ADGRF5: variants seen among roughly 807,000 people sequenced by gnomAD.
ADGRF5 encodes adhesion G protein-coupled receptor F5, also known as G-protein coupled receptor 116.
ADGRF5 carries 75 observed loss-of-function variants against 132.3 expected under a neutral mutation model. That is an observed-to-expected ratio of 0.57 (90% CI 0.47 to 0.69). The LOEUF (loss-of-function observed/expected upper bound fraction) is 0.69. ADGRF5 is among the 30% of genes least tolerant of loss of function. ADGRF5 has a pLI of 0.00. For missense variants in ADGRF5, 1,516 were observed against 1,630.6 expected (o/e 0.93, Z 1.21); for synonymous variants, 629 against 597.6 (o/e 1.05, Z -0.77).
chr6:46,911,688 T>C (rs912216762), intron 1 of ADGRF5, among the ~76,000 whole-genome samples: 4 of 152,164 alleles, frequency 2.6e-5, no homozygotes, highest in African/African-American at 2.4e-5. Context: ...TTTATTGTTA[T>C]ATCTATTGCA....
chr6:46,863,402 T>C, intron 14 of ADGRF5: 1 of 465,064 alleles, frequency 2.2e-6, no homozygotes, highest in Non-Finnish European at 4.2e-6. Context: ...AACACCAGTG[T>C]CTGGGCTAAG....
rs1440750594 is a variant in ADGRF5 at position 46,859,486 on chromosome 6, G to A, written c.2417C>T (p.Pro806Leu). The A allele has an allele frequency of 1.2e-6, 2 of 1,612,964 alleles. No homozygotes were observed. The change falls in exon 17 of 21, where the codon CCC becomes CTC. Residue 806 changes from proline (P) to leucine (L), a missense_variant. Transcript: ENST00000283296. Reference protein sequence around the residue: ...LSTVNVILGKPVLNTWKVLQQ... With the variant: ...LSTVNVILGKLVLNTWKVLQQ... ...TAAAACCTTCCAGGTGTTCAAGACG[G>A]GCTTGCCAAGGATGACATTAACCGT...
intron 1 of ADGRF5, among the ~76,000 whole-genome samples, chr6:46,946,184 G>A (rs2113840166): frequency 6.6e-6 from 1 of 152,314 alleles, no homozygotes; most frequent in East Asian, 1.9e-4. Context: ...TGAGGAAATG[G>A]CAGAGGGAAA....
At chr6:46,905,563 T>C (rs1235891078) in intron 2 of ADGRF5, 1 of 151,500 alleles carries the variant, frequency 6.6e-6, no homozygotes, top group Non-Finnish European at 1.5e-5. Context: ...TACAAGAGAA[T>C]CATAAAACAA....
At chr6:46,909,339 C>T (rs1775704298) in intron 1 of ADGRF5, among the ~76,000 whole-genome samples, 1 of 152,172 alleles carries the variant, frequency 6.6e-6, no homozygotes, top group South Asian at 2.1e-4. Flanking sequence ...TTCCCGATCT[C>T]CTTCTCTTTT....
intron 1 of ADGRF5, among the ~76,000 whole-genome samples, chr6:46,935,096 CG>C (rs1561834479): frequency 6.6e-6 from 1 of 150,706 alleles, no homozygotes; most frequent in Non-Finnish European, 1.5e-5. Context: ...CTCCGCCTCC[CG>C]GGTTCAAGCC....
chr6:46,895,074 G>C (rs1774031656), intron 3 of ADGRF5, among the ~76,000 whole-genome samples: 1 of 152,046 alleles, frequency 6.6e-6, no homozygotes, highest in Non-Finnish European at 1.5e-5. Context: ...CTACTTGGGA[G>C]GCTGAGGCAG....
chr6:46,946,791 C>T (rs1459562287), intron 1 of ADGRF5, among the ~76,000 whole-genome samples: 2 of 152,142 alleles, frequency 1.3e-5, no homozygotes, highest in Admixed American at 6.5e-5. Context: ...AAGGCACAGC[C>T]GTTTCCTGAG....
intron 12 of ADGRF5, among the ~76,000 whole-genome samples, 155 bp downstream of exon 12, chr6:46,868,728 C>G (rs1161787640): frequency 1.3e-5 from 2 of 152,144 alleles, no homozygotes; most frequent in South Asian, 2.1e-4. Flanking sequence ...ATGGCATCTT[C>G]CCTCAAAGGA....
chr6:46,923,016 T>C (rs2150928292), upstream of ADGRF5, among the ~76,000 whole-genome samples: 1 of 152,346 alleles, frequency 6.6e-6, no homozygotes, highest in Middle Eastern at 3.4e-3. Context: ...AACCTCTGCC[T>C]CCTGGGTTCA....
At chr6:46,914,547 A>T (rs1485803356) in intron 1 of ADGRF5, among the ~76,000 whole-genome samples, 1 of 152,116 alleles carries the variant, frequency 6.6e-6, no homozygotes, top group Admixed American at 6.5e-5. Context: ...ACAGGGGAAC[A>T]TTTGTTTGTA....
At chr6:46,932,945 G>A (rs1278732515) in intron 1 of ADGRF5, among the ~76,000 whole-genome samples, 1 of 152,186 alleles carries the variant, frequency 6.6e-6, no homozygotes, top group African/African-American at 2.4e-5. Flanking sequence ...ACTGGCCGAC[G>A]CCAGTGTCTA....
chr6:46,866,396 C>T (rs904458820), intron 13 of ADGRF5, among the ~76,000 whole-genome samples: 1 of 152,114 alleles, frequency 6.6e-6, no homozygotes, highest in Admixed American at 6.6e-5. Context: ...TTAGGGAGCA[C>T]AGTCTTTACT....
chr6:46,885,194 C>CAAAAAAA (rs55947622), intron 4 of ADGRF5, among the ~76,000 whole-genome samples: 1 of 123,884 alleles, frequency 8.1e-6, no homozygotes, highest in Admixed American at 8.1e-5. Flanking sequence ...GACCCTGTCT[C>CAAAAAAA]AAAAAAAAAA....
At chr6:46,859,817 C>CTATTT (rs55664341) in intron 16 of ADGRF5, among the ~76,000 whole-genome samples, 3,574 of 146,122 alleles carry the variant, frequency 0.024, 44 homozygotes, top group African/African-American at 0.037. Context: ...GGGATATTTA[C>CTATTT]TATTTTATTT....
At chr6:46,889,133 C>T (rs1336750499) in intron 3 of ADGRF5, among the ~76,000 whole-genome samples, 1 of 150,650 alleles carries the variant, frequency 6.6e-6, no homozygotes, top group Non-Finnish European at 1.5e-5. Context: ...TTCCCCAACA[C>T]ACAGCTACAT....
Position 46,856,062 on chromosome 6 carries a change from G to C in ADGRF5, c.3877-4C>G, listed in dbSNP as rs773652940. The C allele has an allele frequency of 1.4e-6, 2 of 1,430,088 alleles. No individual in the cohort carries two copies. Among genetic ancestry groups the C allele is most frequent in the Non-Finnish European group, 1.9e-6 (2 of 1,056,584 alleles). 88.6% of individuals were successfully genotyped at this position (1,430,088 alleles called of 1,614,324 possible). A position where few individuals can be genotyped will look rare whatever the true frequency, so the allele number is the denominator to read the frequency against. On this transcript the variant is annotated splice_region_variant and splice_polypyrimidine_tract_variant and intron_variant, in intron 19 of 20. Transcript: ENST00000283296. ...TGGATGAACCCAGGGATGTTGACTA[G>C]AAGAGAGAAAAAAAGGGACAATCAC... is the stretch of plus-strand genomic sequence containing the variant.
In ADGRF5 at chr6:46,860,791, C is replaced by G; in HGVS notation, c.2303G>C (p.Gly768Ala). ...GATGTTAATAATGGCTCCCAGACTCCCAGGAGAAGAGCTGATTTCATGTTC... is the reference window on the plus strand; with the variant it reads ...GATGTTAATAATGGCTCCCAGACTCGCAGGAGAAGAGCTGATTTCATGTTC... ...KAEHEISSSP[G>A]SLGAIINILD... Residue 768 changes from glycine to alanine, a missense_variant, in exon 16 of 21, where the codon GGG (glycine) becomes GCG (alanine). Coordinates refer to ENST00000283296, the MANE Select transcript of ADGRF5 (RefSeq NM_001098518.2). 1 of 1,613,570 alleles carries G rather than the reference C, an allele frequency of 6.2e-7. No homozygotes were observed. The highest frequency in any genetic ancestry group is 8.5e-7 in the Non-Finnish European group (1 of 1,179,520).
At chr6:46,870,231 C>G (rs1295427784) in intron 11 of ADGRF5, among the ~76,000 whole-genome samples, 1 of 152,118 alleles carries the variant, frequency 6.6e-6, no homozygotes, top group Non-Finnish European at 1.5e-5. Flanking sequence ...CGGCTCACTG[C>G]AGCCTCAATC....
Sources: gnomAD v4.1 joint callset for allele counts (sites outside exome capture counted in the v4.1 genomes callset) on GRCh38, gnomAD v4.1.1 for gene constraint, MANE v1.5 for transcripts, NCBI Gene and HGNC (gene_info 2026-07-23, HGNC 2026-07-21) for gene names.